Variants in CTU2 observed in about 807,000 individuals in gnomAD.
CTU2 encodes the protein cytosolic thiouridylase subunit 2, also known as cytoplasmic tRNA 2-thiolation protein 2.
CTU2 carries 80 observed loss-of-function variants against 64.1 expected under a neutral mutation model. That is an observed-to-expected ratio of 1.25 (90% CI 1.04 to 1.50). CTU2 has a LOEUF of 1.50. CTU2 is among the 40% of genes most tolerant of loss of function. The pLI is 0.00. For missense variants in CTU2, 1,110 were observed against 690.2 expected, an observed-to-expected ratio of 1.61 and a Z score of -6.81; for synonymous variants, 482 against 285.3, an observed-to-expected ratio of 1.69 and a Z score of -6.95.
rs566014384 is a variant in CTU2 at position 88,707,276 on chromosome 16, C to G, written c.143+66C>G. On this transcript the variant is annotated intron_variant, in intron 2 of 14. Coordinates refer to ENST00000453996, the MANE Select transcript of CTU2 (RefSeq NM_001012759.3). ...TCGCTAGCAGACAGGATAGCCGCAACTTGTGATGCTTTGTTAATTCTTTTT... is the reference window on the plus strand; with the variant it reads ...TCGCTAGCAGACAGGATAGCCGCAAGTTGTGATGCTTTGTTAATTCTTTTT... 2.2e-3 allele frequency: 2,973 copies of G among 1,370,438 alleles called. 3 individuals carry two copies. The highest frequency in any genetic ancestry group is 2.7e-3 in the Non-Finnish European group (2,636 of 959,246). 84.9% of individuals were successfully genotyped at this position (1,370,438 alleles called of 1,614,324 possible).
intron 2 of CTU2, among the ~76,000 whole-genome samples, chr16:88,708,173 C>G (rs1597422663): frequency 6.6e-6 from 1 of 152,198 alleles, no homozygotes; most frequent in East Asian, 1.9e-4. Context: ...CACCAGGCTG[C>G]CGGCAGAATT....
Position 88,710,171 on chromosome 16 carries a change from G to T in CTU2, c.223-52G>T, listed in dbSNP as rs1911198723. ...GTCCTAGATGTCCACGAGGTGGGGT[G>T]TCTGCCTGTGTTGGAGGTGCGGTGC... On this transcript the variant is annotated intron_variant, in intron 3 of 14. Coordinates refer to ENST00000453996, the MANE Select transcript of CTU2 (RefSeq NM_001012759.3). The T allele has an allele frequency of 3.9e-5, 62 of 1,606,496 alleles. No homozygotes were observed. In the South Asian group the frequency reaches 6.6e-4, roughly 17 times the overall value.
In CTU2 at chr16:88,714,522, G is replaced by C. The variant is rs766199815; in HGVS notation, c.1201+36G>C. ...CATGCTCTTGGGGTGATGCGGGGAG[G>C]GAGCCAGGGAGTGGGTGTGGGGGCT... is the stretch of plus-strand genomic sequence containing the variant. On this transcript the variant is annotated intron_variant, in intron 11 of 14. Coordinates refer to ENST00000453996, the MANE Select transcript of CTU2 (RefSeq NM_001012759.3). The C allele has an allele frequency of 1.6e-5, 25 of 1,612,350 alleles. No homozygotes were observed. In the East Asian group the frequency reaches 5.3e-4, roughly 34 times the overall value.
At position 88,714,945 on chromosome 16, in the gene CTU2, G is replaced by T. The variant is rs201012906; in HGVS notation, c.1419+19G>T. The T allele has an allele frequency of 5.0e-6, 8 of 1,611,018 alleles. No homozygotes were observed. The African/African-American group carries it at 1.1e-4, about 22-fold the overall frequency. On this transcript the variant is annotated intron_variant, in intron 13 of 14. Transcript: ENST00000453996. Reference sequence around the variant, plus strand: ...GGACTTGGTGAGTACGTGCCCACCTGTCCTGGGCCGGGCTTGGGGACGCGG... The same window carrying T: ...GGACTTGGTGAGTACGTGCCCACCTTTCCTGGGCCGGGCTTGGGGACGCGG...
intron 2 of CTU2, 91 bp downstream of exon 2, chr16:88,707,301 T>A: frequency 8.4e-7 from 1 of 1,184,518 alleles, no homozygotes; most frequent in Non-Finnish European, 1.3e-6. Context: ...TAATTCTTTT[T>A]AAAAACATGT....
chr16:88,714,498 A>G lies in CTU2; in HGVS notation c.1201+12A>G. ...CGTCGACGCCGCTGGTCTGTGTTTCATGCTCTTGGGGTGATGCGGGGAGGG... is the reference window on the plus strand; with the variant it reads ...CGTCGACGCCGCTGGTCTGTGTTTCGTGCTCTTGGGGTGATGCGGGGAGGG... On this transcript the variant is annotated intron_variant, in intron 11 of 14. Coordinates refer to ENST00000453996, the MANE Select transcript of CTU2 (RefSeq NM_001012759.3). 2 of 1,612,500 alleles carry G rather than the reference A, an allele frequency of 1.2e-6. No individual in the cohort carries two copies. Among genetic ancestry groups the G allele is most frequent in the Non-Finnish European group, 1.7e-6 (2 of 1,179,832 alleles).
Position 88,713,718 on chromosome 16 carries a change from CGCT to C in CTU2, c.946_948del (p.Ala316del). On this transcript the variant is annotated inframe_deletion, in exon 9 of 15. Transcript: ENST00000453996. The stretch of plus-strand genomic sequence containing the variant: ...TGCGGGACCACACCCTGAAGGAGGT[CGCT>C]TTCTACAACCGCCTGTTCTCCGTTC... 2 of 1,612,676 alleles carry C rather than the reference CGCT, an allele frequency of 1.2e-6. No homozygotes were observed. Among genetic ancestry groups the C allele is most frequent in the Non-Finnish European group, 1.7e-6 (2 of 1,179,900 alleles).
In CTU2 at chr16:88,712,846, C is replaced by A. The variant is rs763251138; in HGVS notation, c.678C>A (p.Ser226=). The A allele has an allele frequency of 6.3e-7, 1 of 1,584,146 alleles. No individual in the cohort carries two copies. The highest frequency in any genetic ancestry group is 2.2e-5 in the East Asian group (1 of 44,728). ...CCCCTGCCCAGACTGAGGCTCTTTC[C>A]CAACTGTTCTGCTCAGTGAGGACAC... is the stretch of plus-strand genomic sequence containing the variant. ...PPAPAQTEAL[S]QLFCSVRTLT... Residue 226 remains serine (S), a synonymous_variant, in exon 7 of 15, where the codon TCC becomes TCA. Transcript: ENST00000453996.
chr16:88,712,095 G>A, intron 5 of CTU2, 179 bp from the exon 6 acceptor site: 1 of 715,208 alleles, frequency 1.4e-6, no homozygotes, highest in Admixed American at 2.0e-5. Context: ...TAGCGCTGAG[G>A]TCAGCCGCAA....
intron 2 of CTU2, among the ~76,000 whole-genome samples, chr16:88,707,520 G>A (rs1177543437): frequency 1.3e-5 from 2 of 152,104 alleles, no homozygotes; most frequent in African/African-American, 2.4e-5. Context: ...GCGTTTGGGG[G>A]CAGCTGGAAT....
At position 88,715,063 on chromosome 16, in the gene CTU2, CT is replaced by C; in HGVS notation, c.1436del (p.Leu479ArgfsTer26). ...TCTGTTGCAGCCCTCACTGGACCCC[CT>C]GCCGCCGTACATCCTGGCTGAGGCC... ...NMKDLPSLDPLPPYILAEAQL... is the reference protein window; with the variant it reads ...NMKDLPSLDPXPPYILAEAQL... On this transcript the variant is annotated frameshift_variant, in exon 14 of 15. Coordinates refer to ENST00000453996, the MANE Select transcript of CTU2 (RefSeq NM_001012759.3). LOFTEE classifies it low-confidence loss of function (END_TRUNC). 6.4e-7 allele frequency: 1 copy of C among 1,572,536 alleles called. No individual in the cohort carries two copies. The highest frequency in any genetic ancestry group is 8.6e-7 in the Non-Finnish European group (1 of 1,157,930).
At chr16:88,712,178 G>C in intron 5 of CTU2, 96 bp from the exon 6 acceptor site, 1 of 1,035,736 alleles carries the variant, frequency 9.7e-7, no homozygotes, top group Non-Finnish European at 1.5e-6. Context: ...CCTGCGGAGC[G>C]AGGCCTCGAA....
At position 88,715,291 on chromosome 16, in the gene CTU2, C is replaced by G. The variant is rs1567654978; in HGVS notation, c.*40C>G. 3.1e-6 allele frequency: 5 copies of G among 1,596,726 alleles called. No individual in the cohort carries two copies. The highest frequency in any genetic ancestry group is 3.4e-6 in the Non-Finnish European group (4 of 1,172,124). On this transcript the variant is annotated 3_prime_UTR_variant, in exon 15 of 15. Transcript: ENST00000453996. ...TTGCCGGGACAGCAGGCAGTGGCCA[C>G]CTGGTACACCACACTGGAGCCGGAA... is the stretch of plus-strand genomic sequence containing the variant.
In CTU2 at chr16:88,706,616, G is replaced by T; in HGVS notation, c.68+18G>T. 7.2e-7 allele frequency: 1 copy of T among 1,392,982 alleles called. No individual in the cohort carries two copies. Among genetic ancestry groups the T allele is most frequent in the South Asian group, 1.5e-5 (1 of 65,026 alleles). 86.3% of individuals were successfully genotyped at this position (1,392,982 alleles called of 1,614,324 possible). A position where few individuals can be genotyped will look rare whatever the true frequency, so the allele number is the denominator to read the frequency against. ...CGGCCCAGGTAAGAGCTGGCGGCCG[G>T]ACCCGCCAGGCCGCCCCTCGCCTTC... On this transcript the variant is annotated intron_variant, in intron 1 of 14. Coordinates refer to ENST00000453996, the MANE Select transcript of CTU2 (RefSeq NM_001012759.3).
chr16:88,711,965 G>A, intron 5 of CTU2: 2 of 605,422 alleles, frequency 3.3e-6, no homozygotes, highest in Non-Finnish European at 5.9e-6. Context: ...CGGCTGCCCA[G>A]CCCCCATCAC....
chr16:88,712,590 G>C (rs529726545), intron 6 of CTU2, 32 bp from the exon 7 acceptor site: 1 of 1,597,910 alleles, frequency 6.3e-7, no homozygotes, highest in Non-Finnish European at 8.5e-7. Flanking sequence ...CCCGTGTCCC[G>C]GGCCTCACTG....
Position 88,707,120 on chromosome 16 carries a change from C to G in CTU2, c.69-16C>G, listed in dbSNP as rs11641194. ...TGATCTGTGTTTCTCTCTTCTCCCC[C>G]CTCCCATCTCCAAAGCCGTGAGCAG... is the stretch of plus-strand genomic sequence containing the variant. On this transcript the variant is annotated splice_polypyrimidine_tract_variant and intron_variant, in intron 1 of 14. Transcript: ENST00000453996. 1.8e-5 allele frequency: 29 copies of G among 1,612,292 alleles called. No homozygotes were observed. In the Admixed American group the frequency reaches 4.2e-4, roughly 23 times the overall value.
rs2290903 is a variant in CTU2, at chr16:88,713,897, C to A, written c.1005+119C>A. On this transcript the variant is annotated intron_variant, in intron 9 of 14. Coordinates refer to ENST00000453996, the MANE Select transcript of CTU2 (RefSeq NM_001012759.3). ...CACCTTCAGTGACTCCTGCTGTGGC[C>A]CCCAGCAGTGCTGCATCCTCTGAGC... 7.4e-5 allele frequency: 104 copies of A among 1,396,252 alleles called. 2 individuals are homozygous for A. The South Asian group carries it at 1.1e-3, about 14-fold the overall frequency. The allele number at this position is 1,396,252 out of a possible 1,614,324, so 86.5% of individuals were successfully genotyped here. A position where few individuals can be genotyped will look rare whatever the true frequency, so the allele number is the denominator to read the frequency against.
intron 6 of CTU2, 114 bp downstream of exon 6, chr16:88,712,497 G>T: frequency 1.1e-5 from 16 of 1,459,654 alleles, no homozygotes; most frequent in Non-Finnish European, 1.5e-5. Context: ...TGTCGGTGGG[G>T]GGTGGGAGGC....
Sources: allele counts gnomAD v4.1 joint callset (sites outside exome capture counted in the v4.1 genomes callset), GRCh38; gene constraint gnomAD v4.1.1; transcripts MANE v1.5; gene names NCBI Gene and HGNC (gene_info 2026-07-23, HGNC 2026-07-21).